Variants in ZNF692 observed in about 807,000 individuals in gnomAD.
ZNF692 encodes zinc finger protein 692.
Under a neutral mutation model 49.0 loss-of-function variants are expected in ZNF692, and 41 were observed. The observed-to-expected ratio is 0.84, with a 90% CI of 0.65 to 1.08. The LOEUF is 1.08. Ranked by LOEUF, ZNF692 falls within the 50% of genes least tolerant of loss-of-function variation. The pLI, the probability that ZNF692 is intolerant of heterozygous loss-of-function variation, is 0.00. For missense variants in ZNF692, 662 were observed against 662.2 expected, an observed-to-expected ratio of 1.00 and a Z score of 0.00; for synonymous variants, 288 against 251.5, an observed-to-expected ratio of 1.15 and a Z score of -1.37.
chr1:248,856,695 C>T, intron 4 of ZNF692, 133 bp from the exon 5 acceptor site: 1 of 1,114,568 alleles, frequency 9.0e-7, no homozygotes, highest in South Asian at 1.4e-5. Flanking sequence ...ACTATGTTGC[C>T]CAGGCTGGTC....
chr1:248,850,181 G>A lies in ZNF692; in HGVS notation c.*29C>T, dbSNP rs1572204034. On this transcript the variant is annotated 3_prime_UTR_variant, in exon 12 of 12. Transcript: ENST00000306601. ...GCTCCTTTTCAGTCCCTGGAGTCTG[G>A]CTTCCCAAAGCCAAAGCTGGAGGAG... is the stretch of plus-strand genomic sequence containing the variant. 3.3e-6 allele frequency: 5 copies of A among 1,507,362 alleles called. No individual in the cohort carries two copies. The East Asian group carries it at 1.2e-4, about 35-fold the overall frequency. 93.4% of individuals were successfully genotyped at this position (1,507,362 alleles called of 1,614,324 possible). A position where few individuals can be genotyped will look rare whatever the true frequency, so the allele number is the denominator to read the frequency against.
rs765879187 is a variant in ZNF692 at position 248,858,318 on chromosome 1, G to A, written c.-9C>T. On this transcript the variant is annotated 5_prime_UTR_variant, in exon 2 of 12. Transcript: ENST00000306601. This position sits in a 1 kb window ranked among gnomAD's most constrained non-coding sequence, Gnocchi z 4.3. ...GCCGGGGAGGAAGCCATGTGCACCAGAGGCTGGAGGGTGGAAGGGACGTCT... is the reference window on the plus strand; with the variant it reads ...GCCGGGGAGGAAGCCATGTGCACCAAAGGCTGGAGGGTGGAAGGGACGTCT... 14 of 1,552,922 alleles carry A rather than the reference G, an allele frequency of 9.0e-6. No homozygotes were observed. Among genetic ancestry groups the A allele is most frequent in the Non-Finnish European group, 1.2e-5 (14 of 1,144,604 alleles).
intron 10 of ZNF692, 73 bp from the exon 11 acceptor site, chr1:248,850,854 G>A (rs1208793761): frequency 1.7e-5 from 22 of 1,314,342 alleles, no homozygotes; most frequent in East Asian, 2.5e-5. Context: ...CCCACCCACT[G>A]TCCCTCACCA....
Position 248,858,189 on chromosome 1 carries a change from G to A in ZNF692, c.121C>T (p.Leu41Phe), listed in dbSNP as rs1340043950. 3 of 1,583,878 alleles carry A rather than the reference G, an allele frequency of 1.9e-6. No homozygotes were observed. The highest frequency in any genetic ancestry group is 2.6e-6 in the Non-Finnish European group (3 of 1,165,678). The change falls in exon 2 of 12, where the codon CTC (leucine) becomes TTC (phenylalanine). Residue 41 changes from leucine (L) to phenylalanine (F), a missense_variant. Leu to Phe is a conservative substitution (Grantham distance 22). Coordinates refer to ENST00000306601, the MANE Select transcript of ZNF692 (RefSeq NM_017865.4). The surrounding 1 kb of genome is among the most constrained non-coding windows in gnomAD (Gnocchi z 4.3). The part of the protein sequence containing the change: ...LGGHMEQWCL[L>F]KERLGFSLHS... Reference sequence around the variant, plus strand: ...AGGGAGAAGCCCAGCCGCTCCTTGAGGAGGCACCACTGCTCCATGTGGCCG... The same window carrying A: ...AGGGAGAAGCCCAGCCGCTCCTTGAAGAGGCACCACTGCTCCATGTGGCCG...
Position 248,858,827 on chromosome 1 carries a change from A to C in ZNF692, c.-13+91T>G. 3.7e-6 allele frequency: 2 copies of C among 533,386 alleles called. No individual in the cohort carries two copies. The highest frequency in any genetic ancestry group is 6.8e-6 in the Non-Finnish European group (2 of 293,938). 33.0% of individuals were successfully genotyped at this position (533,386 alleles called of 1,614,324 possible). A position where few individuals can be genotyped will look rare whatever the true frequency, so the allele number is the denominator to read the frequency against. ...ACCCCGTCTTGGGCACCCCCACTTA[A>C]TGCTGACAGTGAGTGGAGCGGACTA... On this transcript the variant is annotated intron_variant, in intron 1 of 11. Transcript: ENST00000306601. The surrounding 1 kb of genome is among the most constrained non-coding windows in gnomAD (Gnocchi z 4.3).
chr1:248,850,150 C>G lies in ZNF692; in HGVS notation c.*60G>C, dbSNP rs1007162044. 7 of 1,498,756 alleles carry G rather than the reference C, an allele frequency of 4.7e-6. No individual in the cohort carries two copies. The highest frequency in any genetic ancestry group is 6.2e-6 in the Non-Finnish European group (7 of 1,122,410). 92.8% of individuals were successfully genotyped at this position (1,498,756 alleles called of 1,614,324 possible). On this transcript the variant is annotated 3_prime_UTR_variant, in exon 12 of 12. Coordinates refer to ENST00000306601, the MANE Select transcript of ZNF692 (RefSeq NM_017865.4). ...TGGCATTTCTCAAGCAGACCCTCTCCTTGTTGCTCCTTTTCAGTCCCTGGA... is the reference window on the plus strand; with the variant it reads ...TGGCATTTCTCAAGCAGACCCTCTCGTTGTTGCTCCTTTTCAGTCCCTGGA...
Position 248,858,301 on chromosome 1 carries a change from G to A in ZNF692, c.9C>T (p.Ser3=). MA[S]SPAVDVSCRR... is the part of the protein sequence containing the mutation. ...TGCAGGACACGTCCACCGCCGGGGAGGAAGCCATGTGCACCAGAGGCTGGA... is the reference window on the plus strand; with the variant it reads ...TGCAGGACACGTCCACCGCCGGGGAAGAAGCCATGTGCACCAGAGGCTGGA... The change falls in exon 2 of 12, where the codon TCC becomes TCT. Residue 3 remains serine, a synonymous_variant. Transcript: ENST00000306601. This position sits in a 1 kb window ranked among gnomAD's most constrained non-coding sequence, Gnocchi z 4.3. 6.4e-7 allele frequency: 1 copy of A among 1,564,658 alleles called. No individual in the cohort carries two copies. The highest frequency in any genetic ancestry group is 8.7e-7 in the Non-Finnish European group (1 of 1,150,610).
Position 248,858,050 on chromosome 1 carries a change from A to G in ZNF692, c.179+81T>C, listed in dbSNP as rs1414415791. 1.3e-6 allele frequency: 2 copies of G among 1,551,314 alleles called. No individual in the cohort carries two copies. The highest frequency in any genetic ancestry group is 2.4e-5 in the East Asian group (1 of 42,432). ...AGTGAGAAACCTGAGGGTGGAAAAGAGCAGCAGGACAGGCCCTGGAGAGGA... is the reference window on the plus strand; with the variant it reads ...AGTGAGAAACCTGAGGGTGGAAAAGGGCAGCAGGACAGGCCCTGGAGAGGA... On this transcript the variant is annotated intron_variant, in intron 2 of 11. Coordinates refer to ENST00000306601, the MANE Select transcript of ZNF692 (RefSeq NM_017865.4). The surrounding 1 kb of genome is among the most constrained non-coding windows in gnomAD (Gnocchi z 4.3).
At position 248,857,463 on chromosome 1, in the gene ZNF692, A is replaced by G. The variant is rs369901418; in HGVS notation, c.246T>C (p.Tyr82=). Residue 82 remains tyrosine, a synonymous_variant, in exon 4 of 12, where the codon TAT becomes TAC. Transcript: ENST00000306601. ...TGTGGGCATGAGACAAGAGCACCAG[A>G]TACTGCAGACCTTTTGGAGGCAAAG... The part of the protein sequence containing the change: ...PEPLPPKGLQ[Y]LVLLSHAHSR... The G allele has an allele frequency of 4.1e-5, 66 of 1,613,956 alleles. 1 individual carries two copies. The East Asian group carries it at 1.4e-3, about 35-fold the overall frequency.
chr1:248,850,632 C>T, intron 11 of ZNF692, 50 bp downstream of exon 11: 9 of 1,609,532 alleles, frequency 5.6e-6, no homozygotes, highest in Non-Finnish European at 7.7e-6. Flanking sequence ...TTCCAGACTC[C>T]ACCTCCTCCC....
Position 248,855,911 on chromosome 1 carries a change from G to C in ZNF692, c.695C>G (p.Pro232Arg). ...CCCCTCTTTAGGTGTGCAGGTGACA[G>C]GGGAAGGCAGTAGTCTGGGGGCATC... ...EPDAPRLLPS[P>R]VTCTPKEGET... The change falls in exon 7 of 12, where the codon CCT becomes CGT. Residue 232 changes from proline to arginine, a missense_variant. Physicochemically the swap from Pro to Arg is moderately radical, Grantham distance 103. Transcript: ENST00000306601. The C allele has an allele frequency of 6.2e-7, 1 of 1,614,144 alleles. No individual in the cohort carries two copies. The highest frequency in any genetic ancestry group is 1.3e-5 in the African/African-American group (1 of 75,036).
At position 248,850,739 on chromosome 1, in the gene ZNF692, C is replaced by T. The variant is rs201441689; in HGVS notation, c.1196G>A (p.Arg399His). Residue 399 changes from arginine (R) to histidine (H), a missense_variant, in exon 11 of 12, where the codon CGC (arginine) becomes CAC (histidine). By Grantham distance (29) the Arg-to-His change is conservative. Coordinates refer to ENST00000306601, the MANE Select transcript of ZNF692 (RefSeq NM_017865.4). Reference sequence around the variant, plus strand: ...GTGGATGACAAGGTTGCTGCTAGTGCGGAAAGACCGGGCGCAGAACTCACA... The same window carrying T: ...GTGGATGACAAGGTTGCTGCTAGTGTGGAAAGACCGGGCGCAGAACTCACA... ...YICEFCARSF[R>H]TSSNLVIHRR... 17 of 1,614,096 alleles carry T rather than the reference C, an allele frequency of 1.1e-5. No individual in the cohort carries two copies. Among genetic ancestry groups the T allele is most frequent in the South Asian group, 2.2e-5 (2 of 91,078 alleles).
chr1:248,857,089 C>G (rs1660326756), intron 4 of ZNF692, 145 bp downstream of exon 4: 3 of 867,622 alleles, frequency 3.5e-6, no homozygotes, highest in Non-Finnish European at 3.5e-6. Flanking sequence ...TTTTCATGCC[C>G]AACAGTGTAT....
Position 248,855,959 on chromosome 1 carries a change from C to G in ZNF692, c.660-13G>C. 1 of 1,612,378 alleles carries G rather than the reference C, an allele frequency of 6.2e-7. No homozygotes were observed. Among genetic ancestry groups the G allele is most frequent in the South Asian group, 1.1e-5 (1 of 90,946 alleles). ...ATCAGGCTCACTACTGAAAGGAGAACAAAGAGGAAGATGGCATTAACTTTC... is the reference window on the plus strand; with the variant it reads ...ATCAGGCTCACTACTGAAAGGAGAAGAAAGAGGAAGATGGCATTAACTTTC... On this transcript the variant is annotated splice_polypyrimidine_tract_variant and intron_variant, in intron 6 of 11. Transcript: ENST00000306601.
In ZNF692 at chr1:248,858,173, C is replaced by G; in HGVS notation, c.137G>C (p.Gly46Ala). The G allele has an allele frequency of 1.3e-6, 2 of 1,576,234 alleles. No homozygotes were observed. Among genetic ancestry groups the G allele is most frequent in the Non-Finnish European group, 1.7e-6 (2 of 1,161,776 alleles). ...GGCGAGCTGCGAGTGCAGGGAGAAG[C>G]CCAGCCGCTCCTTGAGGAGGCACCA... The part of the protein sequence containing the change: ...EQWCLLKERL[G>A]FSLHSQLAKF... Residue 46 changes from glycine to alanine, a missense_variant, in exon 2 of 12, where the codon GGC becomes GCC. Gly to Ala is a moderately conservative substitution (Grantham distance 60). Coordinates refer to ENST00000306601, the MANE Select transcript of ZNF692 (RefSeq NM_017865.4). This position sits in a 1 kb window ranked among gnomAD's most constrained non-coding sequence, Gnocchi z 4.3.
At chr1:248,854,271 C>T (rs1659959241) in intron 9 of ZNF692, 1 of 513,000 alleles carries the variant, frequency 1.9e-6, no homozygotes, top group African/African-American at 1.9e-5. Flanking sequence ...ACTCAACTCT[C>T]CTGTCACCCA....
chr1:248,855,599 G>A lies in ZNF692; in HGVS notation c.918C>T (p.Ala306=). Residue 306 remains alanine, a synonymous_variant, in exon 8 of 12, where the codon GCC becomes GCT. Coordinates refer to ENST00000306601, the MANE Select transcript of ZNF692 (RefSeq NM_017865.4). ...GSQAQSAPTP[A]WDEDTAQIGP... ...CAATTTGTGCAGTGTCCTCATCCCA[G>A]GCCGGGGTTGGAGCAGACTGGGCCT... The A allele has an allele frequency of 6.2e-7, 1 of 1,614,216 alleles. No individual in the cohort carries two copies. The highest frequency in any genetic ancestry group is 8.5e-7 in the Non-Finnish European group (1 of 1,180,048).
intron 10 of ZNF692, among the ~76,000 whole-genome samples, chr1:248,852,436 C>A (rs564682490): frequency 6.6e-6 from 1 of 152,306 alleles, no homozygotes; most frequent in South Asian, 2.1e-4. Flanking sequence ...CCCCTTCTCA[C>A]TTGAGGTCCC....
intron 4 of ZNF692, 90 bp from the exon 5 acceptor site, chr1:248,856,652 T>A: frequency 1.3e-6 from 2 of 1,497,912 alleles, no homozygotes; most frequent in South Asian, 2.4e-5. Flanking sequence ...GATGGGAGAC[T>A]CCTCTTTTTT....
Sources: allele counts gnomAD v4.1 joint callset (sites outside exome capture counted in the v4.1 genomes callset), GRCh38; gene constraint gnomAD v4.1.1; non-coding constraint Gnocchi (gnomAD v3.1); transcripts MANE v1.5; gene names NCBI Gene and HGNC (gene_info 2026-07-23, HGNC 2026-07-21).